The following FAAH variants were observed in gnomAD, a reference collection of about 807,000 sequenced individuals.
FAAH encodes fatty-acid amide hydrolase 1.
A neutral mutation model predicts 69.7 loss-of-function variants in FAAH; 63 were observed. The ratio of observed to expected loss-of-function variants is 0.90; its 90% CI spans 0.74 to 1.12. The LOEUF (loss-of-function observed/expected upper bound fraction) is 1.12, where lower values mean the gene tolerates loss of function less well. FAAH is among the 50% of genes most tolerant of loss of function. The probability of loss-of-function intolerance (pLI) is 0.00; values close to 1 mark genes in which losing one functional copy is unlikely to be tolerated. For synonymous variants in FAAH, 305 were observed against 324.2 expected, an observed-to-expected ratio of 0.94 and a Z score of 0.64; for missense variants, 680 against 755.0, an observed-to-expected ratio of 0.90 and a Z score of 1.16.
chr1:46,405,719 A>G lies in FAAH; in HGVS notation c.710A>G (p.Asp237Gly), dbSNP rs767682814. ...SGGSPLGLGT[D>G]IGGSIRFPSS... is the part of the protein sequence containing the mutation. Reference sequence around the variant, plus strand: ...GGCTCCCCCCTGGGCTTAGGCACTGATATCGGAGGCAGCATCCGCTTCCCC... The same window carrying G: ...GGCTCCCCCCTGGGCTTAGGCACTGGTATCGGAGGCAGCATCCGCTTCCCC... The change falls in exon 5 of 15, where the codon GAT becomes GGT. Residue 237 changes from aspartate (D) to glycine (G), a missense_variant. By Grantham distance (94) the Asp-to-Gly change is moderately conservative. Transcript: ENST00000243167. This position sits in a 1 kb window ranked among gnomAD's most constrained non-coding sequence, Gnocchi z 4.1. 2 of 1,613,400 alleles carry G rather than the reference A, an allele frequency of 1.2e-6. No homozygotes were observed. The highest frequency in any genetic ancestry group is 1.7e-6 in the Non-Finnish European group (2 of 1,180,034).
chr1:46,411,511 C>A lies in FAAH; in HGVS notation c.1317-101C>A. On this transcript the variant is annotated intron_variant, in intron 11 of 14. Coordinates refer to ENST00000243167, the MANE Select transcript of FAAH (RefSeq NM_001441.3). This position sits in a 1 kb window ranked among gnomAD's most constrained non-coding sequence, Gnocchi z 4.8. ...AGCTCCCATGGGGTTGTGAAGGGTC[C>A]ACGGAGGGGTGAGATCTAGAGGGTT... 1 of 1,280,328 alleles carries A rather than the reference C, an allele frequency of 7.8e-7. No individual in the cohort carries two copies. The highest frequency in any genetic ancestry group is 1.5e-5 in the African/African-American group (1 of 67,824). The allele number at this position is 1,280,328 out of a possible 1,614,324, so 79.3% of individuals were successfully genotyped here.
chr1:46,409,038 C>T (rs1320663192), intron 8 of FAAH, 63 bp from the exon 9 acceptor site: 2 of 1,387,136 alleles, frequency 1.4e-6, no homozygotes, highest in African/African-American at 2.8e-5. Context: ...GCCGCCCAGA[C>T]AGCATGGGGA....
chr1:46,398,731 C>T (rs1223421819), intron 1 of FAAH, among the ~76,000 whole-genome samples: 6 of 151,984 alleles, frequency 3.9e-5, no homozygotes, highest in South Asian at 2.1e-4. Flanking sequence ...GACAGGGTTT[C>T]GCCATGTTGG....
In FAAH at chr1:46,394,529, C is replaced by T; in HGVS notation, c.181C>T (p.Arg61Cys). ...GLENMDRAAQRFRLQNPDLDS... is the reference protein window; with the variant it reads ...GLENMDRAAQCFRLQNPDLDS... ...GGAGAACATGGACAGGGCGGCGCAG[C>T]GCTTCCGGCTCCAGGTGACTGCCGG... Residue 61 changes from arginine (R) to cysteine (C), a missense_variant, in exon 1 of 15, where the codon CGC becomes TGC. Arg to Cys is a radical substitution (Grantham distance 180, BLOSUM62 -3). Transcript: ENST00000243167. The T allele has an allele frequency of 2.9e-6, 4 of 1,369,278 alleles. No homozygotes were observed. The highest frequency in any genetic ancestry group is 2.8e-6 in the Non-Finnish European group (3 of 1,067,896). The allele number at this position is 1,369,278 out of a possible 1,614,324, so 84.8% of individuals were successfully genotyped here. A position where few individuals can be genotyped will look rare whatever the true frequency, so the allele number is the denominator to read the frequency against.
intron 1 of FAAH, among the ~76,000 whole-genome samples, chr1:46,401,792 T>G (rs1032365888): frequency 3.3e-5 from 5 of 152,218 alleles, no homozygotes; most frequent in Admixed American, 1.3e-4. Context: ...GTGCCTGTAG[T>G]TCCAGCTACT....
Position 46,406,293 on chromosome 1 carries a change from G to A in FAAH, c.876G>A (p.Leu292=), listed in dbSNP as rs1216532311. 6.2e-7 allele frequency: 1 copy of A among 1,613,836 alleles called. No individual in the cohort carries two copies. The highest frequency in any genetic ancestry group is 8.5e-7 in the Non-Finnish European group (1 of 1,179,838). The change falls in exon 7 of 15, where the codon CTG becomes CTA. Residue 292 remains leucine (L), a synonymous_variant. Transcript: ENST00000243167. ...PMARDVESLA[L]CLRALLCEDM... is the part of the protein sequence containing the mutation. ...CCCGGGACGTGGAGAGCCTGGCACT[G>A]TGCCTGCGAGCCCTGCTGTGTGAGG...
chr1:46,413,643 C>T lies in FAAH; in HGVS notation c.*68C>T. The T allele has an allele frequency of 6.2e-7, 1 of 1,608,118 alleles. No homozygotes were observed. The highest frequency in any genetic ancestry group is 8.5e-7 in the Non-Finnish European group (1 of 1,175,986). On this transcript the variant is annotated 3_prime_UTR_variant, in exon 15 of 15. Transcript: ENST00000243167. ...CCCAGCCTAGTCAGGGCACAGCTGC[C>T]CTGCTGCCACAGCAAGGAAATGTCC...
chr1:46,395,681 CAGAA>C (rs1244082118), intron 1 of FAAH, among the ~76,000 whole-genome samples: 1 of 152,140 alleles, frequency 6.6e-6, no homozygotes, highest in Admixed American at 6.5e-5. Flanking sequence ...GGGTGGGAGA[CAGAA>C]AGAGTCACAG....
Position 46,411,752 on chromosome 1 carries a change from C to A in FAAH, c.1356+101C>A. On this transcript the variant is annotated intron_variant, in intron 12 of 14. Transcript: ENST00000243167. The surrounding 1 kb of genome is among the most constrained non-coding windows in gnomAD (Gnocchi z 4.8). ...TCTCGTGGCCACTGCCCCCATGGGG[C>A]TCCTAGACTGGCCTGTCATCCCCCT... The A allele has an allele frequency of 1.5e-6, 2 of 1,337,156 alleles. No individual in the cohort carries two copies. The highest frequency in any genetic ancestry group is 2.1e-6 in the Non-Finnish European group (2 of 948,734). The allele number at this position is 1,337,156 out of a possible 1,614,324, so 82.8% of individuals were successfully genotyped here. A position where few individuals can be genotyped will look rare whatever the true frequency, so the allele number is the denominator to read the frequency against.
In FAAH at chr1:46,411,207, A is replaced by G. The variant is rs992544231; in HGVS notation, c.1316+353A>G. 6.6e-6 allele frequency among the ~76,000 whole-genome samples: 1 copy of G among 152,170 alleles called. No individual in the cohort carries two copies. The highest frequency in any genetic ancestry group is 1.5e-5 in the Non-Finnish European group (1 of 68,024). ...ACTGTTAGAGATCTGAGCTGACCTG[A>G]GCTGCGCCAGGCCCTACTTGCCCCT... On this transcript the variant is annotated intron_variant, in intron 11 of 14. Transcript: ENST00000243167. The surrounding 1 kb of genome is among the most constrained non-coding windows in gnomAD (Gnocchi z 4.8).
chr1:46,402,365 C>T (rs1009817647), intron 2 of FAAH, among the ~76,000 whole-genome samples, 161 bp downstream of exon 2: 1 of 152,240 alleles, frequency 6.6e-6, no homozygotes, highest in Non-Finnish European at 1.5e-5. Flanking sequence ...CAGGGACTGC[C>T]AGGGAGGGAA....
intron 14 of FAAH, 27 bp downstream of exon 14, chr1:46,413,247 G>T: frequency 6.2e-7 from 1 of 1,613,898 alleles, no homozygotes; most frequent in South Asian, 1.1e-5. Context: ...CCCTCAACTG[G>T]ACTCACTCCC....
At chr1:46,400,130 G>A (rs2148445527) in intron 1 of FAAH, among the ~76,000 whole-genome samples, 1 of 151,876 alleles carries the variant, frequency 6.6e-6, no homozygotes, top group East Asian at 1.9e-4. Context: ...GAGGACATCA[G>A]GGGGCAGAGG....
Position 46,411,379 on chromosome 1 carries a change from G to C in FAAH, c.1317-233G>C, listed in dbSNP as rs141866558. 2.0e-5 allele frequency among the ~76,000 whole-genome samples: 3 copies of C among 152,240 alleles called. No individual in the cohort carries two copies. Among genetic ancestry groups the C allele is most frequent in the South Asian group, 2.1e-4 (1 of 4,838 alleles). ...TGTCCTGAGGGTAGCGAGGAATCGG[G>C]CCTGGGCTAGTCCTGGCTCTGCTGT... is the stretch of plus-strand genomic sequence containing the variant. On this transcript the variant is annotated intron_variant, in intron 11 of 14. Transcript: ENST00000243167. This position sits in a 1 kb window ranked among gnomAD's most constrained non-coding sequence, Gnocchi z 4.8.
At position 46,405,944 on chromosome 1, in the gene FAAH, T is replaced by C. The variant is rs1275326945; in HGVS notation, c.786-94T>C. 1 of 1,612,778 alleles carries C rather than the reference T, an allele frequency of 6.2e-7. No homozygotes were observed. The highest frequency in any genetic ancestry group is 8.5e-7 in the Non-Finnish European group (1 of 1,179,880). On this transcript the variant is annotated intron_variant, in intron 5 of 14. Transcript: ENST00000243167. The surrounding 1 kb of genome is among the most constrained non-coding windows in gnomAD (Gnocchi z 4.1). ...CACTGGCCGGGCGTGGGTCCTAGTT[T>C]CCAAAGCGGTGAGTGTTCAGAGCTG...
intron 12 of FAAH, 55 bp from the exon 13 acceptor site, chr1:46,412,088 G>A: frequency 6.8e-6 from 10 of 1,464,490 alleles, no homozygotes; most frequent in South Asian, 1.2e-5. Flanking sequence ...GAGTTAAAGA[G>A]CCTGGGGTGG....
In FAAH at chr1:46,410,948, G is replaced by T; in HGVS notation, c.1316+94G>T. 1 of 1,528,998 alleles carries T rather than the reference G, an allele frequency of 6.5e-7. No homozygotes were observed. The allele number at this position is 1,528,998 out of a possible 1,614,324, so 94.7% of individuals were successfully genotyped here. A position where few individuals can be genotyped will look rare whatever the true frequency, so the allele number is the denominator to read the frequency against. ...TCTGACAGGAAAGGACTTGAGGGAA[G>T]TAGCCTCTGAGGCTGGAAGTGGCCC... On this transcript the variant is annotated intron_variant, in intron 11 of 14. Transcript: ENST00000243167. The surrounding 1 kb of genome is among the most constrained non-coding windows in gnomAD (Gnocchi z 4.9).
At position 46,394,938 on chromosome 1, in the gene FAAH, G is replaced by GT. The variant is rs140391184; in HGVS notation, c.195+404dup. 1.2e-3 allele frequency among the ~76,000 whole-genome samples: 176 copies of GT among 151,406 alleles called. 2 individuals carry two copies. The East Asian group carries it at 0.019, about 16-fold the overall frequency. On this transcript the variant is annotated intron_variant, in intron 1 of 14. Transcript: ENST00000243167. ...TGGAGAGCTTAGAGTTTTGTTTTTT[G>GT]TTTTTTTTTGTTTTGTTTTGAGACG...
intron 1 of FAAH, among the ~76,000 whole-genome samples, chr1:46,396,885 C>A (rs1017489633): frequency 2.6e-5 from 4 of 152,200 alleles, no homozygotes; most frequent in African/African-American, 9.7e-5. Flanking sequence ...TGAATTTACT[C>A]CAAACCATCC....
Sources: gnomAD v4.1 joint callset for allele counts (sites outside exome capture counted in the v4.1 genomes callset) on GRCh38, gnomAD v4.1.1 for gene constraint, Gnocchi (gnomAD v3.1) non-coding constraint, MANE v1.5 for transcripts, NCBI Gene and HGNC (gene_info 2026-07-23, HGNC 2026-07-21) for gene names.